Variants in PODXL2 observed in about 807,000 individuals in gnomAD.
The protein encoded by PODXL2 is podocalyxin-like protein 2.
PODXL2 carries 17 observed loss-of-function variants against 53.4 expected under a neutral mutation model. That is an observed-to-expected ratio of 0.32 (90% confidence interval 0.22 to 0.48). The LOEUF (loss-of-function observed/expected upper bound fraction) is 0.48. PODXL2 is among the 20% of genes least tolerant of loss of function. The probability of loss-of-function intolerance (pLI) is 0.99; values close to 1 mark genes in which losing one functional copy is unlikely to be tolerated. For synonymous variants in PODXL2, 311 were observed against 306.7 expected, an observed-to-expected ratio of 1.01 and a Z score of -0.15; for missense variants, 673 against 760.0, an observed-to-expected ratio of 0.89 and a Z score of 1.35.
chr3:127,653,581 G>A (rs1376045018), intron 2 of PODXL2, among the ~76,000 whole-genome samples: 1 of 152,012 alleles, frequency 6.6e-6, no homozygotes, highest in Non-Finnish European at 1.5e-5. Flanking sequence ...AGGAGGCGGA[G>A]GTTTCAGTCA....
chr3:127,632,906 G>GC (rs2074555702), intron 1 of PODXL2, among the ~76,000 whole-genome samples: 1 of 152,166 alleles, frequency 6.6e-6, no homozygotes, highest in Non-Finnish European at 1.5e-5. Context: ...TAAGAGCACA[G>GC]CCCACCTGAA....
chr3:127,638,928 A>T (rs2074595922), intron 1 of PODXL2, among the ~76,000 whole-genome samples: 1 of 152,158 alleles, frequency 6.6e-6, no homozygotes. Context: ...ACAATTGCCA[A>T]CAGAGAGAGG....
intron 2 of PODXL2, among the ~76,000 whole-genome samples, chr3:127,651,943 G>A (rs955819337): frequency 6.6e-6 from 1 of 152,154 alleles, no homozygotes; most frequent in African/African-American, 2.4e-5. Flanking sequence ...GGCTCTTAAC[G>A]CCAGCCACTC....
rs753193463 is a variant in PODXL2 at position 127,639,257 on chromosome 3, G to A, written c.83G>A (p.Gly28Asp). The A allele has an allele frequency of 5.6e-6, 9 of 1,606,058 alleles. No homozygotes were observed. In the South Asian group the frequency reaches 6.7e-5, roughly 12 times the overall value. The change falls in exon 2 of 8, where the codon GGT becomes GAT. Residue 28 changes from glycine (G) to aspartate (D), a missense_variant. Around this residue, in one of 3 missense-constraint regions of PODXL2, gnomAD observed 588 missense variants for 668.3 expected, o/e 0.88. Transcript: ENST00000342480. ...LLLLVGGAFL[G>D]ACVAGSDEPG... Reference sequence around the variant, plus strand: ...TATGTCTGCACAGGAGCGTTCCTGGGTGCCTGTGTGGCTGGGTCTGATGAG... The same window carrying A: ...TATGTCTGCACAGGAGCGTTCCTGGATGCCTGTGTGGCTGGGTCTGATGAG...
At chr3:127,666,320 C>T (rs951508283) in intron 4 of PODXL2, among the ~76,000 whole-genome samples, 1 of 151,386 alleles carries the variant, frequency 6.6e-6, no homozygotes, top group African/African-American at 2.4e-5. Flanking sequence ...GGACCATTGC[C>T]CATGTTTTTA....
intron 1 of PODXL2, among the ~76,000 whole-genome samples, chr3:127,636,597 A>G (rs763391173): frequency 3.9e-5 from 6 of 152,250 alleles, no homozygotes; most frequent in Admixed American, 6.5e-5. Flanking sequence ...CTCTGGGAAC[A>G]TGACTTCAGC....
chr3:127,635,285 T>C (rs1307022184), intron 1 of PODXL2, among the ~76,000 whole-genome samples: 1 of 152,238 alleles, frequency 6.6e-6, no homozygotes, highest in East Asian at 1.9e-4. Flanking sequence ...AGTTATATGG[T>C]CACTGTTACA....
At chr3:127,640,195 C>T (rs1300008618) in intron 2 of PODXL2, among the ~76,000 whole-genome samples, 1 of 152,184 alleles carries the variant, frequency 6.6e-6, no homozygotes, top group East Asian at 1.9e-4. Context: ...AGGCATGGCC[C>T]CTCCACCAAT....
intron 1 of PODXL2, among the ~76,000 whole-genome samples, chr3:127,638,464 C>G (rs2074592081): frequency 6.6e-6 from 1 of 152,206 alleles, no homozygotes; most frequent in Non-Finnish European, 1.5e-5. Context: ...CCTGTAATGC[C>G]AGCACTTTGG....
intron 1 of PODXL2, among the ~76,000 whole-genome samples, chr3:127,637,708 C>G (rs1215462075): frequency 6.6e-6 from 1 of 152,234 alleles, no homozygotes; most frequent in African/African-American, 2.4e-5. Flanking sequence ...CCTGGAGTCT[C>G]TACTTCCCAT....
At chr3:127,671,889 C>T (rs1404098728) in intron 7 of PODXL2, among the ~76,000 whole-genome samples, 1 of 152,204 alleles carries the variant, frequency 6.6e-6, no homozygotes, top group Non-Finnish European at 1.5e-5. Context: ...AGGGCCTGAG[C>T]ACCTGAATAC....
At chr3:127,652,514 G>A (rs796872059) in intron 2 of PODXL2, among the ~76,000 whole-genome samples, 4 of 152,238 alleles carry the variant, frequency 2.6e-5, no homozygotes, top group African/African-American at 9.6e-5. Flanking sequence ...TTAGACATTC[G>A]TGGCCTCCCA....
chr3:127,662,583 A>G lies in PODXL2; in HGVS notation c.1206+272A>G, dbSNP rs116755531. Among the ~76,000 whole-genome samples, 1,031 of 152,324 alleles carry G rather than the reference A, an allele frequency of 6.8e-3. 5 individuals carry two copies. The highest frequency in any genetic ancestry group is 0.024 in the African/African-American group (980 of 41,576). On this transcript the variant is annotated intron_variant, in intron 4 of 7. Transcript: ENST00000342480. The stretch of plus-strand genomic sequence containing the variant: ...TGCACCATCTTACCTCTCCCGTGAT[A>G]TTGAAACCTTTCTGTCTTTTTTAGA...
At chr3:127,655,204 C>G (rs2074714298) in intron 2 of PODXL2, among the ~76,000 whole-genome samples, 1 of 151,968 alleles carries the variant, frequency 6.6e-6, no homozygotes, top group Non-Finnish European at 1.5e-5. Context: ...CTTGGCCTCC[C>G]AAAGTACTGG....
intron 1 of PODXL2, among the ~76,000 whole-genome samples, chr3:127,632,928 A>G (rs959682393): frequency 3.9e-5 from 6 of 152,230 alleles, no homozygotes; most frequent in Non-Finnish European, 8.8e-5. Context: ...CCAAAGTTCA[A>G]TTATAATTGG....
chr3:127,668,720 T>C, intron 5 of PODXL2, 123 bp downstream of exon 5: 1 of 968,658 alleles, frequency 1.0e-6, no homozygotes, highest in Non-Finnish European at 1.5e-6. Flanking sequence ...GACAGTAGTT[T>C]GAGCTACTTA....
chr3:127,641,942 C>T (rs890232621), intron 2 of PODXL2, among the ~76,000 whole-genome samples: 9 of 152,120 alleles, frequency 5.9e-5, no homozygotes, highest in African/African-American at 1.4e-4. Flanking sequence ...TACACATTTT[C>T]GCACCTTCCT....
At chr3:127,641,155 G>A (rs2074616564) in intron 2 of PODXL2, among the ~76,000 whole-genome samples, 1 of 151,920 alleles carries the variant, frequency 6.6e-6, no homozygotes, top group South Asian at 2.1e-4. Flanking sequence ...CAAGTGATCT[G>A]CCCGTCTCGG....
intron 1 of PODXL2, among the ~76,000 whole-genome samples, chr3:127,633,472 TTGTGTGTGTGTGTG>T (rs60042269): frequency 7.1e-6 from 1 of 140,798 alleles, no homozygotes; most frequent in Non-Finnish European, 1.5e-5. Context: ...ATTACAAATT[TTGTGTGTGTGTGTG>T]TGTGTGTGTG....
Sources: allele counts gnomAD v4.1 joint callset (sites outside exome capture counted in the v4.1 genomes callset), GRCh38; gene constraint gnomAD v4.1.1; regional missense constraint gnomAD v4.1.1; transcripts MANE v1.5; gene names NCBI Gene and HGNC (gene_info 2026-07-23, HGNC 2026-07-21).